SMCO2: variants seen among roughly 807,000 people sequenced by gnomAD.
SMCO2 encodes single-pass membrane and coiled-coil domain-containing protein 2.
A neutral mutation model predicts 29.5 loss-of-function variants in SMCO2; 25 were observed. That is an observed-to-expected ratio of 0.85 (90% CI 0.62 to 1.18). The LOEUF (loss-of-function observed/expected upper bound fraction) is 1.18, where lower values mean the gene tolerates loss of function less well. Among genes scored for constraint, SMCO2 ranks in the 50% most tolerant of loss-of-function variants. The pLI is 0.00. For synonymous variants in SMCO2, 117 were observed against 123.3 expected (o/e 0.95, Z 0.34); for missense variants, 348 against 344.5 (o/e 1.01, Z -0.08).
At chr12:27,501,521 G>A (rs1401052467) in intron 7 of SMCO2, among the ~76,000 whole-genome samples, 1 of 149,766 alleles carries the variant, frequency 6.7e-6, no homozygotes, top group East Asian at 1.9e-4. Context: ...GGGGCAAAGA[G>A]CTCTGAATTC....
the SMCO2 span, among the ~76,000 whole-genome samples, chr12:27,439,871 C>A: frequency 6.6e-6 from 1 of 152,012 alleles, no homozygotes; most frequent in East Asian, 1.9e-4. Flanking sequence ...AAGACCAAAT[C>A]TAAGAATTAT....
chr12:27,474,067 A>G (rs1321867795), intron 3 of SMCO2, among the ~76,000 whole-genome samples: 2 of 152,218 alleles, frequency 1.3e-5, no homozygotes, highest in African/African-American at 4.8e-5. Context: ...GAATTATGCA[A>G]TGATTAACCA....
the SMCO2 span, among the ~76,000 whole-genome samples, chr12:27,461,012 C>T: frequency 6.6e-6 from 1 of 152,154 alleles, no homozygotes; most frequent in Non-Finnish European, 1.5e-5. Context: ...GCCTGCCTTC[C>T]TGTCTTTTTC....
chr12:27,477,208 A>C (rs1212462667), intron 4 of SMCO2, among the ~76,000 whole-genome samples: 2 of 109,092 alleles, frequency 1.8e-5, no homozygotes, highest in East Asian at 5.8e-4. Flanking sequence ...CTTGGCTGTC[A>C]GGTTTTTTTT....
upstream of SMCO2, chr12:27,466,742 G>C (rs1376623071): frequency 6.6e-6 from 1 of 152,400 alleles, no homozygotes; most frequent in Non-Finnish European, 1.5e-5. Context: ...CTAGAATCTT[G>C]TGAGAGGGGG....
In SMCO2 at chr12:27,470,659, A is replaced by G. The variant is rs192829459; in HGVS notation, c.28A>G (p.Asn10Asp). Residue 10 changes from asparagine to aspartate, a missense_variant, in exon 2 of 8, where the codon AAC becomes GAC. Asn to Asp is a conservative substitution (Grantham distance 23). Transcript: ENST00000298876. ...GGCTCTCACGCCCACAAACCTAAATAACAAAATGTCTCTGCAGATGAAGAT... is the reference window on the plus strand; with the variant it reads ...GGCTCTCACGCCCACAAACCTAAATGACAAAATGTCTCTGCAGATGAAGAT... 8 of 1,551,146 alleles carry G rather than the reference A, an allele frequency of 5.2e-6. No individual in the cohort carries two copies. Among genetic ancestry groups the G allele is most frequent in the Non-Finnish European group, 7.0e-6 (8 of 1,146,608 alleles).
intron 4 of SMCO2, among the ~76,000 whole-genome samples, chr12:27,488,012 A>T (rs1949704162): frequency 6.6e-6 from 1 of 151,970 alleles, no homozygotes; most frequent in Non-Finnish European, 1.5e-5. Flanking sequence ...TGCTAAGCAA[A>T]TATTTTTCCC....
chr12:27,492,920 A>G (rs1436016841), intron 5 of SMCO2, among the ~76,000 whole-genome samples: 2 of 152,166 alleles, frequency 1.3e-5, no homozygotes, highest in Non-Finnish European at 2.9e-5. Context: ...TAGCAAAGAC[A>G]TAGAATCAAC....
intron 5 of SMCO2, among the ~76,000 whole-genome samples, chr12:27,491,875 TTTTTTTGTA>T (rs1942917361): frequency 6.6e-6 from 1 of 151,824 alleles, no homozygotes; most frequent in African/African-American, 2.4e-5. Context: ...GGCTAATTTC[TTTTTTTGTA>T]TTTTTTGTAG....
chr12:27,475,554 GA>G, intron 4 of SMCO2, 27 bp from the exon 5 acceptor site: 1 of 1,498,928 alleles, frequency 6.7e-7, no homozygotes, highest in Non-Finnish European at 8.9e-7. Flanking sequence ...TTTCTGCTTT[GA>G]AAATGATCAC....
At chr12:27,477,696 T>A (rs1006094684) in intron 4 of SMCO2, among the ~76,000 whole-genome samples, 2 of 148,414 alleles carry the variant, frequency 1.3e-5, no homozygotes, top group Admixed American at 6.8e-5. Flanking sequence ...AGTTTAGAAA[T>A]GTTTTCTTCT....
At chr12:27,466,026 A>C (rs1286195048), upstream of SMCO2, among the ~76,000 whole-genome samples, 2 of 152,152 alleles carry the variant, frequency 1.3e-5, no homozygotes, top group African/African-American at 4.8e-5. Context: ...GAAGTCCTGG[A>C]AGAAGGTGAA....
the SMCO2 span, among the ~76,000 whole-genome samples, chr12:27,441,498 TATA>T: frequency 6.6e-6 from 1 of 152,180 alleles, no homozygotes; most frequent in Non-Finnish European, 1.5e-5. Flanking sequence ...ATGGTCACTA[TATA>T]ATGATAAAGG....
chr12:27,427,037 A>T, the SMCO2 span, among the ~76,000 whole-genome samples: 1 of 152,238 alleles, frequency 6.6e-6, no homozygotes, highest in Non-Finnish European at 1.5e-5. Context: ...TGCTCTTAAG[A>T]GACTACAGTT....
At chr12:27,454,724 T>C in the SMCO2 span, among the ~76,000 whole-genome samples, 7 of 152,158 alleles carry the variant, frequency 4.6e-5, no homozygotes, top group African/African-American at 1.7e-4. Context: ...ATCCTTCCCC[T>C]GGCCCTCCAC....
At chr12:27,501,892 T>G in intron 7 of SMCO2, 31 bp from the exon 9 acceptor site, 4 of 1,435,958 alleles carry the variant, frequency 2.8e-6, no homozygotes, top group Non-Finnish European at 3.7e-6. Flanking sequence ...TTTCAGAATT[T>G]GGTTAACACA....
rs2135577759 is a variant in SMCO2, at chr12:27,495,640, T to TA, written c.508-39dup. The TA allele has an allele frequency of 2.1e-6, 3 of 1,421,832 alleles. No homozygotes were observed. The East Asian group carries it at 7.6e-5, about 36-fold the overall frequency. 88.1% of individuals were successfully genotyped at this position (1,421,832 alleles called of 1,614,324 possible). A position where few individuals can be genotyped will look rare whatever the true frequency, so the allele number is the denominator to read the frequency against. On this transcript the variant is annotated intron_variant, in intron 6 of 7. Coordinates refer to ENST00000298876, the Ensembl canonical transcript of SMCO2. ...ATCTATAGTAAGACTTGGAGACATT[T>TA]AGAATTTTTTTAAGGTACTTGATTA...
At chr12:27,469,759 A>G (rs773117745) in intron 1 of SMCO2, among the ~76,000 whole-genome samples, 4 of 152,166 alleles carry the variant, frequency 2.6e-5, no homozygotes, top group Admixed American at 6.6e-5. Context: ...CTATGAGCCT[A>G]TCTCACACGT....
intron 4 of SMCO2, among the ~76,000 whole-genome samples, chr12:27,479,508 G>A (rs410222): frequency 5.3e-5 from 8 of 152,224 alleles, no homozygotes; most frequent in East Asian, 1.9e-4. Context: ...TATCCATATC[G>A]ATAGCTGCAT....
Sources: gnomAD v4.1 joint callset for allele counts (sites outside exome capture counted in the v4.1 genomes callset) on GRCh38, gnomAD v4.1.1 for gene constraint, MANE v1.5 for transcripts, NCBI Gene and HGNC (gene_info 2026-07-23, HGNC 2026-07-21) for gene names.